Variants in KRABD3 observed in about 807,000 individuals in gnomAD.
The protein encoded by KRABD3 is KRAB domain containing 3, also known as KRAB domain-containing protein 3.
At chr7:149,722,901 G>A in the KRABD3 span, 1 of 1,613,418 alleles carries the variant, frequency 6.2e-7, no homozygotes, top group Non-Finnish European at 8.5e-7. Flanking sequence ...TCCCTAGCCT[G>A]GGCACGTCCA....
the KRABD3 span, among the ~76,000 whole-genome samples, chr7:149,726,252 G>A: frequency 1.4e-4 from 21 of 152,238 alleles, no homozygotes; most frequent in African/African-American, 5.1e-4. Flanking sequence ...AGGGGGCTCC[G>A]TTTTAGTGAC....
At chr7:149,719,943 A>G in the KRABD3 span, 902 of 1,488,704 alleles carry the variant, frequency 6.1e-4, 4 homozygotes, top group African/African-American at 6.8e-3. The surrounding 1 kb of genome is among the most constrained non-coding windows in gnomAD (Gnocchi z 5.6). Flanking sequence ...CTGGGCTGCT[A>G]TGCAACTGTG....
At chr7:149,717,636 C>T in the KRABD3 span, among the ~76,000 whole-genome samples, 2 of 152,204 alleles carry the variant, frequency 1.3e-5, no homozygotes, top group Non-Finnish European at 2.9e-5. Context: ...GCCCATCAGC[C>T]TCTGGGCCTC....
the KRABD3 span, chr7:149,733,655 C>A: frequency 3.8e-6 from 6 of 1,588,606 alleles, no homozygotes; most frequent in African/African-American, 8.1e-5. Flanking sequence ...TGGTGACCTG[C>A]AAGGACTCTC....
chr7:149,722,419 C>G, the KRABD3 span: 120 of 1,603,688 alleles, frequency 7.5e-5, no homozygotes, highest in African/African-American at 1.5e-3. Flanking sequence ...TCTCCTGCAA[C>G]AGAAACTGCC....
At chr7:149,733,465 G>A in the KRABD3 span, 1 of 1,581,870 alleles carries the variant, frequency 6.3e-7, no homozygotes, top group Non-Finnish European at 8.6e-7. Flanking sequence ...AGGTGAATCG[G>A]CTGGGGAGGC....
chr7:149,733,911 C>T, the KRABD3 span: 16 of 1,592,090 alleles, frequency 1.0e-5, no homozygotes, highest in Middle Eastern at 1.7e-4. Flanking sequence ...GCAGACGTGC[C>T]GACCTCAGGA....
At chr7:149,730,584 C>T in the KRABD3 span, 1 of 1,607,454 alleles carries the variant, frequency 6.2e-7, no homozygotes, top group South Asian at 1.1e-5. Context: ...CCTGGGGTCT[C>T]CTGAGGGGGC....
the KRABD3 span, chr7:149,725,824 A>G: frequency 1.7e-5 from 24 of 1,420,874 alleles, no homozygotes; most frequent in Non-Finnish European, 2.2e-5. Flanking sequence ...CGTGCACCCC[A>G]TGGCCCAGGA....
At chr7:149,728,495 C>G in the KRABD3 span, 11 of 1,609,942 alleles carry the variant, frequency 6.8e-6, no homozygotes, top group Admixed American at 1.7e-4. Context: ...TACAGTCCCC[C>G]TCATCTGTGA....
the KRABD3 span, chr7:149,721,721 C>G: frequency 1.3e-6 from 1 of 753,472 alleles, no homozygotes; most frequent in South Asian, 1.5e-5. Flanking sequence ...GTGTAACCAC[C>G]AAAGAGGAGG....
chr7:149,722,966 G>A, the KRABD3 span: 1 of 1,563,516 alleles, frequency 6.4e-7, no homozygotes, highest in Non-Finnish European at 8.6e-7. Flanking sequence ...GGTGAGTTCT[G>A]GGGCCTCAGG....
chr7:149,725,240 A>G, the KRABD3 span: 2 of 1,415,646 alleles, frequency 1.4e-6, no homozygotes, highest in East Asian at 2.5e-5. Context: ...CACGTCGGGT[A>G]GAGCCAGCCA....
At chr7:149,725,213 G>A in the KRABD3 span, 41 of 1,196,794 alleles carry the variant, frequency 3.4e-5, no homozygotes, top group South Asian at 6.4e-5. Flanking sequence ...TACAGGACTC[G>A]TCACCCCTGT....
At chr7:149,715,956 G>T in the KRABD3 span, among the ~76,000 whole-genome samples, 13 of 152,238 alleles carry the variant, frequency 8.5e-5, no homozygotes, top group African/African-American at 2.4e-4. Context: ...TGTAAAGTGA[G>T]GAGTTTGGGC....
At chr7:149,725,364 G>A in the KRABD3 span, 2 of 1,606,126 alleles carry the variant, frequency 1.2e-6, no homozygotes, top group African/African-American at 1.3e-5. Flanking sequence ...CCTGTCTGAA[G>A]GGCATTCCCC....
the KRABD3 span, among the ~76,000 whole-genome samples, chr7:149,728,206 G>T: frequency 6.6e-6 from 1 of 152,250 alleles, no homozygotes. Flanking sequence ...CATCCCCTGT[G>T]CTGGGGACAC....
chr7:149,721,589 G>A, the KRABD3 span: 11,922 of 1,577,390 alleles, frequency 7.6e-3, 191 homozygotes, highest in African/African-American at 0.053. Context: ...AGCCCTGATC[G>A]TGGCGTCAGA....
At chr7:149,725,583 C>T in the KRABD3 span, 9 of 1,285,626 alleles carry the variant, frequency 7.0e-6, no homozygotes, top group African/African-American at 3.0e-5. Flanking sequence ...TCCCCGGCCT[C>T]CTGAGACACA....
Sources: allele counts gnomAD v4.1 joint callset (sites outside exome capture counted in the v4.1 genomes callset), GRCh38; gene constraint gnomAD v4.1.1; non-coding constraint Gnocchi (gnomAD v3.1); transcripts MANE v1.5; gene names NCBI Gene and HGNC (gene_info 2026-07-23, HGNC 2026-07-21).